IGSF21: variants seen among roughly 807,000 people sequenced by gnomAD.
The protein encoded by IGSF21 is immunoglobulin superfamily member 21.
In IGSF21, 28 loss-of-function variants were observed where a neutral mutation model predicts 46.8. The ratio of observed to expected loss-of-function variants is 0.60; its 90% CI spans 0.44 to 0.82. The LOEUF is 0.82. Among genes scored for constraint, IGSF21 ranks in the 40% least tolerant of loss-of-function variants. The pLI, the probability that IGSF21 is intolerant of heterozygous loss-of-function variation, is 0.00. For missense variants in IGSF21, 624 were observed against 665.5 expected (o/e 0.94, Z 0.69); for synonymous variants, 284 against 273.6 (o/e 1.04, Z -0.38).
At chr1:18,258,053 C>T (rs1350900095) in intron 2 of IGSF21, among the ~76,000 whole-genome samples, 2 of 152,192 alleles carry the variant, frequency 1.3e-5, no homozygotes, top group African/African-American at 4.8e-5. Context: ...ACCCAGGCAC[C>T]AATGTGCAGG....
chr1:18,377,139 G>A, intron 8 of IGSF21, 147 bp downstream of exon 8: 1 of 866,034 alleles, frequency 1.2e-6, no homozygotes, highest in African/African-American at 1.7e-5. Context: ...CCCACTGGGA[G>A]GCAGGGTCGC....
rs527922443 is a variant in IGSF21 at position 18,264,226 on chromosome 1, T to C, written c.184-27640T>C. On this transcript the variant is annotated intron_variant, in intron 2 of 9. Coordinates refer to ENST00000251296, the MANE Select transcript of IGSF21 (RefSeq NM_032880.5). ...TTTCCCCCTCTCTCATCATTTCTTATTTCACAAGAATCCCGTTAAGACCGG... is the reference window on the plus strand; with the variant it reads ...TTTCCCCCTCTCTCATCATTTCTTACTTCACAAGAATCCCGTTAAGACCGG... Among the ~76,000 whole-genome samples the C allele has an allele frequency of 2.6e-5, 4 of 152,326 alleles. No homozygotes were observed. In the South Asian group the frequency reaches 8.3e-4, roughly 32 times the overall value.
intron 3 of IGSF21, among the ~76,000 whole-genome samples, chr1:18,295,171 G>A (rs564543946): frequency 1.3e-5 from 2 of 152,294 alleles, no homozygotes; most frequent in Non-Finnish European, 2.9e-5. Context: ...CCCCCAGGGG[G>A]TGCAGGTGTG....
At position 18,122,230 on chromosome 1, in the gene IGSF21, C is replaced by T. The variant is rs191974841; in HGVS notation, c.70+14032C>T. 9.5e-3 allele frequency among the ~76,000 whole-genome samples: 1,026 copies of T among 108,466 alleles called. 4 individuals carry two copies. Among genetic ancestry groups the T allele is most frequent in the Non-Finnish European group, 0.013 (736 of 58,056 alleles). The allele number at this position is 108,466 out of a possible 152,430, so 71.2% of individuals were successfully genotyped here. ...TTTTTTTTTTTTTGAGATAGAGTCT[C>T]ATTCTGTTGCCCAGGCTGGAATGCA... On this transcript the variant is annotated intron_variant, in intron 1 of 9. Coordinates refer to ENST00000251296, the MANE Select transcript of IGSF21 (RefSeq NM_032880.5).
At chr1:18,138,652 G>GA (rs1284373278) in intron 1 of IGSF21, among the ~76,000 whole-genome samples, 1 of 152,170 alleles carries the variant, frequency 6.6e-6, no homozygotes, top group African/African-American at 2.4e-5. Flanking sequence ...GGAAGCTGGG[G>GA]TACTGATCCT....
At chr1:18,201,378 G>A (rs1048767123) in intron 1 of IGSF21, among the ~76,000 whole-genome samples, 2 of 152,194 alleles carry the variant, frequency 1.3e-5, no homozygotes, top group African/African-American at 2.4e-5. Context: ...GAGCAGAATC[G>A]TGGCTCCAAG....
intron 3 of IGSF21, among the ~76,000 whole-genome samples, chr1:18,305,486 GAT>G (rs2085413185): frequency 7.8e-6 from 1 of 128,758 alleles, no homozygotes; most frequent in African/African-American, 2.9e-5. Flanking sequence ...TGGATGGATG[GAT>G]GATGGATGGA....
chr1:18,261,889 G>A (rs2084950193), intron 2 of IGSF21, among the ~76,000 whole-genome samples: 1 of 152,334 alleles, frequency 6.6e-6, no homozygotes, highest in Middle Eastern at 3.4e-3. Context: ...AGGGGAGTGT[G>A]GATGTGAACC....
chr1:18,221,613 G>C (rs1385891921), intron 1 of IGSF21, among the ~76,000 whole-genome samples: 1 of 152,162 alleles, frequency 6.6e-6, no homozygotes, highest in African/African-American at 2.4e-5. Context: ...ATCTGAACAG[G>C]AGTGGTGTAA....
At chr1:18,131,585 G>C (rs924158061) in intron 1 of IGSF21, among the ~76,000 whole-genome samples, 3 of 152,202 alleles carry the variant, frequency 2.0e-5, no homozygotes, top group Non-Finnish European at 4.4e-5. Context: ...AACACTTGTT[G>C]CTATAACAAA....
In IGSF21 at chr1:18,365,068, G is replaced by A. The variant is rs2086146194; in HGVS notation, c.541-155G>A. On this transcript the variant is annotated intron_variant, in intron 5 of 9. Coordinates refer to ENST00000251296, the MANE Select transcript of IGSF21 (RefSeq NM_032880.5). The surrounding 1 kb of genome is among the most constrained non-coding windows in gnomAD (Gnocchi z 4.8). ...TACCACACTGGCTCATAGTTCTTGG[G>A]GGTGTTGAAGGGAAAAGAGTGGGGT... Among the ~76,000 whole-genome samples, 1 of 152,166 alleles carries A rather than the reference G, an allele frequency of 6.6e-6. No homozygotes were observed. The highest frequency in any genetic ancestry group is 1.5e-5 in the Non-Finnish European group (1 of 68,030).
At chr1:18,266,738 A>G (rs2084992902) in intron 2 of IGSF21, among the ~76,000 whole-genome samples, 2 of 152,238 alleles carry the variant, frequency 1.3e-5, no homozygotes, top group African/African-American at 4.8e-5. Context: ...CTGCCTTTTT[A>G]GTGAGAAACG....
intron 2 of IGSF21, among the ~76,000 whole-genome samples, chr1:18,254,372 C>A (rs575150703): frequency 6.6e-6 from 1 of 152,150 alleles, no homozygotes; most frequent in Admixed American, 6.5e-5. Flanking sequence ...CTAACCCTAA[C>A]CCTAACCCTA....
intron 1 of IGSF21, among the ~76,000 whole-genome samples, chr1:18,184,049 T>A (rs536893471): frequency 6.6e-6 from 1 of 152,232 alleles, no homozygotes; most frequent in African/African-American, 2.4e-5. Flanking sequence ...GTCAAGAGAA[T>A]AGGTTCTGGA....
intron 2 of IGSF21, among the ~76,000 whole-genome samples, chr1:18,273,417 T>TC (rs2085064870): frequency 3.4e-5 from 5 of 147,552 alleles, no homozygotes; most frequent in South Asian, 2.2e-4. Flanking sequence ...TTCCTTTCTT[T>TC]TCCTTTCCTT....
intron 1 of IGSF21, among the ~76,000 whole-genome samples, chr1:18,218,736 G>A (rs1421750320): frequency 6.6e-6 from 1 of 152,196 alleles, no homozygotes; most frequent in African/African-American, 2.4e-5. Context: ...CATGGGGAAA[G>A]AAAATCAGTA....
intron 4 of IGSF21, among the ~76,000 whole-genome samples, chr1:18,355,723 T>C (rs1313342882): frequency 6.6e-6 from 1 of 152,018 alleles, no homozygotes; most frequent in Non-Finnish European, 1.5e-5. Context: ...GGTGGACTTA[T>C]AGAATAGGGT....
At chr1:18,166,582 G>A (rs11802233) in intron 1 of IGSF21, among the ~76,000 whole-genome samples, 24,797 of 152,200 alleles carry the variant, frequency 0.16, 2,264 homozygotes, top group Middle Eastern at 0.27. Context: ...TGTCTGGCCC[G>A]TCACCAGGGT....
At chr1:18,216,674 C>G (rs916202232) in intron 1 of IGSF21, among the ~76,000 whole-genome samples, 2 of 152,088 alleles carry the variant, frequency 1.3e-5, no homozygotes, top group African/African-American at 4.8e-5. Context: ...AGCTTTCCCC[C>G]TCTTTATGGA....
Sources: allele counts gnomAD v4.1 joint callset (sites outside exome capture counted in the v4.1 genomes callset), GRCh38; gene constraint gnomAD v4.1.1; non-coding constraint Gnocchi (gnomAD v3.1); transcripts MANE v1.5; gene names NCBI Gene and HGNC (gene_info 2026-07-23, HGNC 2026-07-21).